CMTM8: variants seen among roughly 807,000 people sequenced by gnomAD.
CMTM8 encodes CKLF-like MARVEL transmembrane domain-containing protein 8.
A neutral mutation model predicts 18.6 loss-of-function variants in CMTM8; 12 were observed. The ratio of observed to expected loss-of-function variants is 0.65; its 90% confidence interval spans 0.41 to 1.05. The LOEUF (loss-of-function observed/expected upper bound fraction) is 1.05. CMTM8 is among the 50% of genes least tolerant of loss of function. The pLI is 0.00. For missense variants in CMTM8, 217 were observed against 227.2 expected, an observed-to-expected ratio of 0.95 and a Z score of 0.29; for synonymous variants, 87 against 90.6, an observed-to-expected ratio of 0.96 and a Z score of 0.23.
In CMTM8 at chr3:32,358,501, A is replaced by G. The variant is rs947675063; in HGVS notation, c.321+955A>G. ...TGTGAGAAAAAATATTTAGTTCCAA[A>G]TAACTGACTTATGAACCAAATTTGA... is the stretch of plus-strand genomic sequence containing the variant. On this transcript the variant is annotated intron_variant, in intron 2 of 3. Transcript: ENST00000307526. This position sits in a 1 kb window ranked among gnomAD's most constrained non-coding sequence, Gnocchi z 4.1. 6.6e-6 allele frequency among the ~76,000 whole-genome samples: 1 copy of G among 152,236 alleles called. No homozygotes were observed. Among genetic ancestry groups the G allele is most frequent in the Admixed American group, 6.5e-5 (1 of 15,288 alleles).
chr3:32,255,578 AT>A (rs1336855669), intron 1 of CMTM8, among the ~76,000 whole-genome samples: 1 of 152,018 alleles, frequency 6.6e-6, no homozygotes, highest in Admixed American at 6.6e-5. Context: ...TTTTTGAGTA[AT>A]TATTTTAGAA....
chr3:32,329,107 C>T (rs1474988040), intron 1 of CMTM8, among the ~76,000 whole-genome samples: 3 of 152,128 alleles, frequency 2.0e-5, no homozygotes, highest in Non-Finnish European at 4.4e-5. Flanking sequence ...GAGTCTAGCT[C>T]TGTCACCCAG....
intron 1 of CMTM8, among the ~76,000 whole-genome samples, chr3:32,299,103 A>G (rs542449860): frequency 2.0e-5 from 3 of 151,590 alleles, no homozygotes; most frequent in Admixed American, 1.3e-4. Flanking sequence ...TGCTGCTTCA[A>G]ATCCCTCTTG....
intron 1 of CMTM8, among the ~76,000 whole-genome samples, chr3:32,264,519 G>A (rs1322791212): frequency 2.0e-5 from 3 of 152,164 alleles, no homozygotes; most frequent in Non-Finnish European, 4.4e-5. Context: ...AAAGACCATC[G>A]AGGCTAGGAA....
intron 1 of CMTM8, among the ~76,000 whole-genome samples, chr3:32,262,072 AAGGAAGACG>A (rs1371590391): frequency 6.6e-6 from 1 of 152,112 alleles, no homozygotes; most frequent in Non-Finnish European, 1.5e-5. Flanking sequence ...CTGCCATCAG[AAGGAAGACG>A]AGGAAGCAGG....
intron 1 of CMTM8, among the ~76,000 whole-genome samples, chr3:32,307,970 G>A (rs1695749517): frequency 1.3e-5 from 2 of 152,192 alleles, no homozygotes; most frequent in South Asian, 4.1e-4. Context: ...AGAGAGTTTA[G>A]GCTCTGAGAA....
In CMTM8 at chr3:32,349,312, C is replaced by T. The variant is rs563746508; in HGVS notation, c.148-8061C>T. On this transcript the variant is annotated intron_variant, in intron 1 of 3. Coordinates refer to ENST00000307526, the MANE Select transcript of CMTM8 (RefSeq NM_178868.5). ...CTGGCTGGGCTGTGTGTTGGGGAAT[C>T]CCCAAAGTCAGTATCTTTGTCTTTT... Among the ~76,000 whole-genome samples the T allele has an allele frequency of 5.0e-3, 762 of 152,088 alleles. 6 individuals are homozygous for T. The highest frequency in any genetic ancestry group is 0.018 in the African/African-American group (735 of 41,514).
intron 1 of CMTM8, among the ~76,000 whole-genome samples, chr3:32,347,729 T>C (rs1696628473): frequency 6.6e-6 from 1 of 152,214 alleles, no homozygotes; most frequent in Non-Finnish European, 1.5e-5. Context: ...CCTTTTGCCT[T>C]TCTGTTGGGT....
At chr3:32,290,367 T>A (rs1332769843) in intron 1 of CMTM8, among the ~76,000 whole-genome samples, 1 of 152,244 alleles carries the variant, frequency 6.6e-6, no homozygotes, top group African/African-American at 2.4e-5. Context: ...TGGGAAGCTG[T>A]ACCATTTTCA....
chr3:32,259,713 T>C, intron 1 of CMTM8: 2 of 1,097,750 alleles, frequency 1.8e-6, no homozygotes, highest in Non-Finnish European at 2.8e-6. Context: ...TATGACGAGC[T>C]GGCTCGGAAG....
intron 1 of CMTM8, among the ~76,000 whole-genome samples, chr3:32,332,993 T>TG (rs1173634493): frequency 6.6e-6 from 1 of 152,220 alleles, no homozygotes; most frequent in East Asian, 1.9e-4. Context: ...AATGTGTGTG[T>TG]TTTTAATGTA....
At chr3:32,355,002 T>C (rs61219889) in intron 1 of CMTM8, among the ~76,000 whole-genome samples, 2,192 of 152,256 alleles carry the variant, frequency 0.014, 64 homozygotes, top group African/African-American at 0.05. Flanking sequence ...GGAATTCATA[T>C]ACTAACATCA....
chr3:32,332,877 C>T (rs935697208), intron 1 of CMTM8, among the ~76,000 whole-genome samples: 8 of 152,178 alleles, frequency 5.3e-5, no homozygotes, highest in African/African-American at 1.4e-4. Flanking sequence ...CTTTTATCCT[C>T]ATTTCTTACT....
At chr3:32,278,283 C>T (rs950177440) in intron 1 of CMTM8, among the ~76,000 whole-genome samples, 3 of 152,184 alleles carry the variant, frequency 2.0e-5, no homozygotes, top group African/African-American at 7.2e-5. Context: ...TCCTCATCTA[C>T]GTGGCCATGT....
chr3:32,361,297 T>G (rs1343690649), intron 2 of CMTM8, among the ~76,000 whole-genome samples: 1 of 39,806 alleles, frequency 2.5e-5, no homozygotes, highest in African/African-American at 7.9e-5. Flanking sequence ...TTTTTTTTTC[T>G]TTCAAATTTT....
rs11425966 is a variant in CMTM8 at position 32,302,135 on chromosome 3, C to CAA, written c.148-55226_148-55225dup. Among the ~76,000 whole-genome samples, 291 of 136,508 alleles carry CAA rather than the reference C, an allele frequency of 2.1e-3. 2 individuals carry two copies. Among genetic ancestry groups the CAA allele is most frequent in the African/African-American group, 6.7e-3 (245 of 36,488 alleles). The allele number at this position is 136,508 out of a possible 152,430, so 89.6% of individuals were successfully genotyped here. A position where few individuals can be genotyped will look rare whatever the true frequency, so the allele number is the denominator to read the frequency against. On this transcript the variant is annotated intron_variant, in intron 1 of 3. Coordinates refer to ENST00000307526, the MANE Select transcript of CMTM8 (RefSeq NM_178868.5). ...CCAACATGGGCAATTCCTGTCTCTA[C>CAA]AAAAAAAAAAAAATTTAATTAGCTG...
chr3:32,357,275 A>C, intron 1 of CMTM8, 98 bp from the exon 2 acceptor site: 1 of 915,184 alleles, frequency 1.1e-6, no homozygotes, highest in Non-Finnish European at 1.7e-6. Flanking sequence ...TGTAATTGAC[A>C]TTCTGTATAA....
chr3:32,245,273 G>A (rs898959981), intron 1 of CMTM8, among the ~76,000 whole-genome samples: 15 of 152,172 alleles, frequency 9.9e-5, no homozygotes, highest in South Asian at 2.1e-4. Flanking sequence ...CTGAACCTGG[G>A]GAAATGAAAT....
intron 3 of CMTM8, among the ~76,000 whole-genome samples, chr3:32,369,625 C>T (rs1301798988): frequency 3.3e-5 from 5 of 152,268 alleles, no homozygotes; most frequent in African/African-American, 4.8e-5. Context: ...GATGCACTGC[C>T]GCCGTATTCA....
Sources: gnomAD v4.1 joint callset for allele counts (sites outside exome capture counted in the v4.1 genomes callset) on GRCh38, gnomAD v4.1.1 for gene constraint, Gnocchi (gnomAD v3.1) non-coding constraint, MANE v1.5 for transcripts, NCBI Gene and HGNC (gene_info 2026-07-23, HGNC 2026-07-21) for gene names.